The following MESD variants were observed in gnomAD, a reference collection of about 807,000 sequenced individuals.
MESD encodes mesoderm development LRP chaperone.
In MESD, 7 loss-of-function variants were observed where a neutral mutation model predicts 12.9. The observed-to-expected ratio is 0.54, with a 90% confidence interval of 0.31 to 1.02. The LOEUF is 1.02. MESD is among the 50% of genes least tolerant of loss of function. The pLI is 0.05. For missense variants in MESD, 342 were observed against 296.7 expected, an observed-to-expected ratio of 1.15 and a Z score of -1.12; for synonymous variants, 126 against 115.6, an observed-to-expected ratio of 1.09 and a Z score of -0.58.
rs1240178765 is a variant in MESD at position 80,982,142 on chromosome 15, T to C, written c.254A>G (p.Lys85Arg). 1.9e-6 allele frequency: 3 copies of C among 1,614,198 alleles called. No individual in the cohort carries two copies. The highest frequency in any genetic ancestry group is 1.1e-5 in the South Asian group (1 of 91,086). Residue 85 changes from lysine to arginine, a missense_variant, in exon 2 of 3, where the codon AAG becomes AGG. By Grantham distance (26) the Lys-to-Arg change is conservative (BLOSUM62 2). Coordinates refer to ENST00000261758, the MANE Select transcript of MESD (RefSeq NM_015154.3). ...DIEEGDLPEH[K>R]RPSAPVDFSK... ...GAAGTCGACAGGTGCTGAAGGTCTC[T>C]TGTGCTCTGGAAGATCTCCTTCTTC...
intron 1 of MESD, among the ~76,000 whole-genome samples, chr15:80,985,040 AGAAC>A (rs1460499287): frequency 6.6e-6 from 1 of 152,248 alleles, no homozygotes; most frequent in Non-Finnish European, 1.5e-5. Flanking sequence ...AATGAAAAGC[AGAAC>A]GAAGTGATCT....
Position 80,978,211 on chromosome 15 carries a change from GCTA to G in MESD, c.*1005_*1007del, listed in dbSNP as rs2141807731. 6.6e-6 allele frequency: 1 copy of G among 152,186 alleles called. No homozygotes were observed. The highest frequency in any genetic ancestry group is 2.4e-5 in the African/African-American group (1 of 41,506). The allele number at this position is 152,186 out of a possible 1,614,324, so 9.4% of individuals were successfully genotyped here. ...CTGACATTTTCTAACCATGTAATGT[GCTA>G]CTTTTAATTTATTAAAATCACAATT... is the stretch of plus-strand genomic sequence containing the variant. On this transcript the variant is annotated 3_prime_UTR_variant, in exon 3 of 3. Coordinates refer to ENST00000261758, the MANE Select transcript of MESD (RefSeq NM_015154.3).
intron 1 of MESD, among the ~76,000 whole-genome samples, chr15:80,984,845 A>G (rs1448199982): frequency 2.0e-5 from 3 of 152,344 alleles, no homozygotes; most frequent in African/African-American, 7.2e-5. Context: ...GGCTTAAGAT[A>G]CCATTAATAA....
chr15:80,983,029 C>G lies in MESD; in HGVS notation c.214-847G>C, dbSNP rs188120554. Among the ~76,000 whole-genome samples the G allele has an allele frequency of 2.2e-3, 334 of 152,182 alleles. 3 individuals are homozygous for G. The highest frequency in any genetic ancestry group is 7.6e-3 in the African/African-American group (316 of 41,502). ...GGCTGAGGTGGGAGAATTGCTTGAG[C>G]CCAGGAATTTGAGATCAGCCTGGGC... On this transcript the variant is annotated intron_variant, in intron 1 of 2. Coordinates refer to ENST00000261758, the MANE Select transcript of MESD (RefSeq NM_015154.3).
chr15:80,961,163 A>G (rs1902079440), intron 3 of MESD, among the ~76,000 whole-genome samples: 1 of 152,048 alleles, frequency 6.6e-6, no homozygotes, highest in Non-Finnish European at 1.5e-5. Context: ...CTTTATGCAC[A>G]CAATTTGCAA....
chr15:80,981,723 C>T lies in MESD; in HGVS notation c.446+227G>A, dbSNP rs1298973400. Among the ~76,000 whole-genome samples, 6 of 151,962 alleles carry T rather than the reference C, an allele frequency of 3.9e-5. No individual in the cohort carries two copies. In the East Asian group the frequency reaches 7.8e-4, roughly 20 times the overall value. Reference sequence around the variant, plus strand: ...ATACAAAATTAGCCAGGCATGGTGGCGGGCGCCTGTAGTTCCAGCTACTCG... The same window carrying T: ...ATACAAAATTAGCCAGGCATGGTGGTGGGCGCCTGTAGTTCCAGCTACTCG... On this transcript the variant is annotated intron_variant, in intron 2 of 2. Coordinates refer to ENST00000261758, the MANE Select transcript of MESD (RefSeq NM_015154.3).
chr15:80,980,961 T>C (rs777121577), intron 2 of MESD, among the ~76,000 whole-genome samples: 2 of 151,796 alleles, frequency 1.3e-5, no homozygotes, highest in Non-Finnish European at 2.9e-5. Context: ...GTAGCTGGGA[T>C]TACAGGCGTG....
Position 80,976,857 on chromosome 15 carries a change from C to G in MESD, c.*2362G>C, listed in dbSNP as rs1902430780. On this transcript the variant is annotated 3_prime_UTR_variant, in exon 3 of 3. Coordinates refer to ENST00000261758, the MANE Select transcript of MESD (RefSeq NM_015154.3). ...TATGCAGTGAAACAGTGGTTCAAACCTCACCATCACCCTGCTGATGTAGGA... is the reference window on the plus strand; with the variant it reads ...TATGCAGTGAAACAGTGGTTCAAACGTCACCATCACCCTGCTGATGTAGGA... 1.3e-5 allele frequency: 2 copies of G among 152,240 alleles called. No individual in the cohort carries two copies. Among genetic ancestry groups the G allele is most frequent in the African/African-American group, 4.8e-5 (2 of 41,446 alleles). The allele number at this position is 152,240 out of a possible 1,614,324, so 9.4% of individuals were successfully genotyped here.
chr15:80,970,242 T>G (rs1349614081), intron 3 of MESD, among the ~76,000 whole-genome samples: 3 of 152,168 alleles, frequency 2.0e-5, no homozygotes, highest in African/African-American at 7.2e-5. Flanking sequence ...AGTGGGTACA[T>G]CCTTTAATTT....
chr15:80,984,892 A>C (rs1403528202), intron 1 of MESD, among the ~76,000 whole-genome samples: 2 of 152,242 alleles, frequency 1.3e-5, no homozygotes, highest in Non-Finnish European at 2.9e-5. Context: ...AAAAAGTAAA[A>C]ACGAAAGAAT....
intron 4 of MESD, chr15:80,951,632 G>T (rs1483273394): frequency 6.6e-6 from 1 of 152,594 alleles, no homozygotes; most frequent in Non-Finnish European, 1.5e-5. Flanking sequence ...GTCACTGTCA[G>T]AGAAATAAAG....
chr15:80,961,497 T>C (rs1902087710), intron 3 of MESD, among the ~76,000 whole-genome samples: 3 of 152,186 alleles, frequency 2.0e-5, no homozygotes, highest in South Asian at 2.1e-4. Flanking sequence ...TGAATGCTCC[T>C]AGACAATGAG....
At chr15:80,955,487 C>CAAAAAAAAAAAAA (rs1169755665) in intron 3 of MESD, among the ~76,000 whole-genome samples, 1 of 45,624 alleles carries the variant, frequency 2.2e-5, no homozygotes, top group Non-Finnish European at 4.3e-5. Context: ...GACTCCGTCT[C>CAAAAAAAAAAAAA]AAAAAAAAAA....
intron 3 of MESD, among the ~76,000 whole-genome samples, chr15:80,955,022 G>A (rs1471022538): frequency 1.7e-4 from 26 of 152,206 alleles, no homozygotes; most frequent in Admixed American, 1.7e-3. Flanking sequence ...ATCAGCTGGG[G>A]GAGGTGGTTC....
exon 4 of MESD, chr15:80,952,071 T>C: frequency 2.4e-6 from 1 of 418,086 alleles, no homozygotes; most frequent in Admixed American, 2.7e-5. Context: ...GTCCTCCACA[T>C]TTCTAAGCTG....
At chr15:80,963,592 C>T (rs955093267) in intron 3 of MESD, among the ~76,000 whole-genome samples, 1 of 152,198 alleles carries the variant, frequency 6.6e-6, no homozygotes, top group Non-Finnish European at 1.5e-5. Context: ...AAAATACTGG[C>T]AAACCGAATC....
chr15:80,989,777 C>T lies in MESD; in HGVS notation c.15G>A (p.Arg5=), dbSNP rs757508017. 6 of 1,586,614 alleles carry T rather than the reference C, an allele frequency of 3.8e-6. No homozygotes were observed. Residue 5 remains arginine (R), a synonymous_variant, in exon 1 of 3, where the codon AGG becomes AGA. Coordinates refer to ENST00000261758, the MANE Select transcript of MESD (RefSeq NM_015154.3). Reference sequence around the variant, plus strand: ...GCAGGACCACGGCCTTGCGCGCCCACCTGGAAGCCGCCATTTTCGCTGCGC... The same window carrying T: ...GCAGGACCACGGCCTTGCGCGCCCATCTGGAAGCCGCCATTTTCGCTGCGC... MAAS[R]WARKAVVLLC...
intron 3 of MESD, among the ~76,000 whole-genome samples, chr15:80,968,045 G>A (rs923577431): frequency 2.6e-5 from 4 of 152,214 alleles, no homozygotes; most frequent in African/African-American, 9.6e-5. Context: ...CCTGAAATCT[G>A]CCTACCAAAA....
downstream of MESD, among the ~76,000 whole-genome samples, chr15:80,971,949 C>CAA (rs989147460): frequency 6.8e-5 from 6 of 88,522 alleles, no homozygotes; most frequent in African/African-American, 8.2e-5. Context: ...GATTCTGTCT[C>CAA]AAAAAAAAAA....
Sources: allele counts gnomAD v4.1 joint callset (sites outside exome capture counted in the v4.1 genomes callset), GRCh38; gene constraint gnomAD v4.1.1; transcripts MANE v1.5; gene names NCBI Gene and HGNC (gene_info 2026-07-23, HGNC 2026-07-21).